The following FRMD4B variants were observed in gnomAD, a reference collection of about 807,000 sequenced individuals.
FRMD4B encodes the protein FERM domain-containing protein 4B.
FRMD4B carries 74 observed loss-of-function variants against 141.5 expected under a neutral mutation model. That is an observed-to-expected ratio of 0.52 (90% CI 0.43 to 0.63). The LOEUF (loss-of-function observed/expected upper bound fraction) is 0.63, where lower values mean the gene tolerates loss of function less well. FRMD4B is among the 30% of genes least tolerant of loss of function. The pLI is 0.00. For synonymous variants in FRMD4B, 506 were observed against 467.9 expected (o/e 1.08, Z -1.05); for missense variants, 1,366 against 1,253.4 (o/e 1.09, Z -1.36).
chr3:69,472,976 T>C (rs1249625914), intron 1 of FRMD4B, among the ~76,000 whole-genome samples: 1 of 148,896 alleles, frequency 6.7e-6, no homozygotes, highest in Non-Finnish European at 1.5e-5. Flanking sequence ...GGAATCTTAT[T>C]TTTGACTAAT....
At position 69,428,929 on chromosome 3, in the gene FRMD4B, A is replaced by T. The variant is rs143775104; in HGVS notation, c.-1+3705T>A. Among the ~76,000 whole-genome samples, 8 of 152,326 alleles carry T rather than the reference A, an allele frequency of 5.3e-5. No individual in the cohort carries two copies. In the East Asian group the frequency reaches 1.5e-3, roughly 29 times the overall value. ...TGTGACTACACTAGGTAGCTCATACAAGTAAGATCACACTGTATTCATCCT... is the reference window on the plus strand; with the variant it reads ...TGTGACTACACTAGGTAGCTCATACTAGTAAGATCACACTGTATTCATCCT... On this transcript the variant is annotated intron_variant, in intron 2 of 5. Transcript: ENST00000459638.
At chr3:69,389,159 G>A (rs1395081829), upstream of FRMD4B, among the ~76,000 whole-genome samples, 3 of 151,088 alleles carry the variant, frequency 2.0e-5, no homozygotes, top group East Asian at 2.0e-4. Flanking sequence ...TCAGCCTCCC[G>A]AGTAGCTGGA....
At chr3:69,208,299 G>A (rs1298945410) in intron 11 of FRMD4B, among the ~76,000 whole-genome samples, 3 of 151,798 alleles carry the variant, frequency 2.0e-5, no homozygotes, top group Non-Finnish European at 1.5e-5. Context: ...CCTCACCTCA[G>A]GTGATCTACC....
At chr3:69,213,322 G>A (rs2093105034) in intron 11 of FRMD4B, among the ~76,000 whole-genome samples, 1 of 148,164 alleles carries the variant, frequency 6.7e-6, no homozygotes, top group Non-Finnish European at 1.5e-5. Context: ...TGTAGTGTTT[G>A]CTGCCATTTT....
At chr3:69,426,005 G>A (rs1320502602) in intron 2 of FRMD4B, among the ~76,000 whole-genome samples, 1 of 152,200 alleles carries the variant, frequency 6.6e-6, no homozygotes, top group Non-Finnish European at 1.5e-5. Context: ...CCTTTTAATA[G>A]CTTTAATACC....
intron 1 of FRMD4B, among the ~76,000 whole-genome samples, chr3:69,507,993 T>G (rs1246084394): frequency 2.0e-5 from 3 of 152,186 alleles, no homozygotes; most frequent in Admixed American, 1.3e-4. Context: ...AACAGGGATT[T>G]CCCACATGGA....
chr3:69,531,400 A>G (rs1027647890), intron 1 of FRMD4B, among the ~76,000 whole-genome samples: 1 of 152,010 alleles, frequency 6.6e-6, no homozygotes. Context: ...ACCAAGCAAA[A>G]AAAAAGGAAA....
At chr3:69,199,095 C>G (rs539302057) in intron 11 of FRMD4B, 1 of 213,692 alleles carries the variant, frequency 4.7e-6, no homozygotes, top group South Asian at 6.7e-5. Flanking sequence ...ACGGTGAAAC[C>G]TTGTCTCTAC....
At chr3:69,308,439 T>TTC (rs35287891) in intron 3 of FRMD4B, among the ~76,000 whole-genome samples, 2 of 16,986 alleles carry the variant, frequency 1.2e-4, no homozygotes, top group Non-Finnish European at 2.8e-4. Context: ...TCACACTGGC[T>TTC]TTTTTTTTTT....
intron 5 of FRMD4B, among the ~76,000 whole-genome samples, chr3:69,254,850 G>T (rs763131388): frequency 6.6e-6 from 1 of 152,080 alleles, no homozygotes; most frequent in African/African-American, 2.4e-5. Flanking sequence ...GCACACCATG[G>T]TGTGGCATTC....
chr3:69,339,867 T>C (rs1171424382), intron 1 of FRMD4B, among the ~76,000 whole-genome samples: 2 of 152,082 alleles, frequency 1.3e-5, no homozygotes, highest in Non-Finnish European at 2.9e-5. Flanking sequence ...TGAGAGGGGA[T>C]TCTTGACAGG....
intron 13 of FRMD4B, among the ~76,000 whole-genome samples, 168 bp from the exon 14 acceptor site, chr3:69,196,564 C>A (rs573740298): frequency 6.6e-6 from 1 of 152,172 alleles, no homozygotes. Flanking sequence ...AAAAACCCCA[C>A]AAGTAGTTAA....
chr3:69,356,426 CT>C (rs1703325650), intron 1 of FRMD4B, among the ~76,000 whole-genome samples: 1 of 152,036 alleles, frequency 6.6e-6, no homozygotes, highest in South Asian at 2.1e-4. Flanking sequence ...TTCTCTCGTG[CT>C]GGATGCTTCC....
chr3:69,348,664 G>A (rs886754040), intron 1 of FRMD4B, among the ~76,000 whole-genome samples: 1 of 152,204 alleles, frequency 6.6e-6, no homozygotes, highest in Non-Finnish European at 1.5e-5. Context: ...TCCCCGGGAT[G>A]CAAGGCTGGT....
At chr3:69,208,557 G>A (rs944647451) in intron 11 of FRMD4B, among the ~76,000 whole-genome samples, 1 of 149,252 alleles carries the variant, frequency 6.7e-6, no homozygotes, top group African/African-American at 2.4e-5. Context: ...GTTCTTTGAT[G>A]AGAACAAGCC....
At chr3:69,290,014 A>G (rs895772168) in intron 4 of FRMD4B, among the ~76,000 whole-genome samples, 6 of 152,160 alleles carry the variant, frequency 3.9e-5, no homozygotes, top group Non-Finnish European at 8.8e-5. Context: ...CCTAGGCTGC[A>G]GTCCTCAACC....
intron 2 of FRMD4B, among the ~76,000 whole-genome samples, chr3:69,426,247 G>A (rs1705075271): frequency 6.6e-6 from 1 of 152,150 alleles, no homozygotes; most frequent in South Asian, 2.1e-4. Context: ...TAAGGATAAG[G>A]TATGAATAAG....
intron 9 of FRMD4B, 79 bp downstream of exon 9, chr3:69,221,779 C>T (rs145604818): frequency 2.6e-6 from 2 of 774,834 alleles, no homozygotes; most frequent in Non-Finnish European, 4.6e-6. Context: ...ACAAAAACTA[C>T]ACAACAGAAA....
At chr3:69,272,281 T>C (rs559529876) in intron 5 of FRMD4B, among the ~76,000 whole-genome samples, 2 of 152,288 alleles carry the variant, frequency 1.3e-5, no homozygotes, top group East Asian at 1.9e-4. Context: ...GTATTGGAAC[T>C]ACAGGTGTGC....
Sources: allele counts gnomAD v4.1 joint callset (sites outside exome capture counted in the v4.1 genomes callset), GRCh38; gene constraint gnomAD v4.1.1; transcripts MANE v1.5; gene names NCBI Gene and HGNC (gene_info 2026-07-23, HGNC 2026-07-21).